Variants in NKX6-3 observed in about 807,000 individuals in gnomAD.
NKX6-3 encodes the protein NK6 homeobox 3, also known as homeobox protein Nkx-6.3.
In NKX6-3, 17 loss-of-function variants were observed where a neutral mutation model predicts 22.0. The observed-to-expected ratio is 0.77, with a 90% CI of 0.53 to 1.16. The LOEUF (loss-of-function observed/expected upper bound fraction) is 1.16. NKX6-3 is among the 50% of genes most tolerant of loss of function. The pLI, the probability that NKX6-3 is intolerant of heterozygous loss-of-function variation, is 0.00. For missense variants in NKX6-3, 363 were observed against 359.0 expected (o/e 1.01, Z -0.09); for synonymous variants, 177 against 167.2 (o/e 1.06, Z -0.45).
chr8:41,647,990 C>T, intron 2 of NKX6-3, 76 bp downstream of exon 2: 5 of 1,335,276 alleles, frequency 3.7e-6, no homozygotes, highest in Middle Eastern at 2.2e-4. Context: ...GTGTGGCCAC[C>T]TCTCTCCAAC....
Position 41,650,454 on chromosome 8 carries a change from G to A in NKX6-3, c.39C>T (p.Asn13=), listed in dbSNP as rs926469459. Residue 13 remains asparagine, a synonymous_variant, in exon 1 of 3, where the codon AAC becomes AAT. Coordinates refer to ENST00000518699, the MANE Select transcript of NKX6-3 (RefSeq NM_001364841.2). The part of the protein sequence containing the change: ...SNLQGTFLLN[N]TPLAQFPEMK... Reference sequence around the variant, plus strand: ...TCTCCGGAAACTGAGCCAGCGGCGTGTTGTTCAGCAGGAACGTCCCCTGCA... The same window carrying A: ...TCTCCGGAAACTGAGCCAGCGGCGTATTGTTCAGCAGGAACGTCCCCTGCA... 53 of 1,535,616 alleles carry A rather than the reference G, an allele frequency of 3.5e-5. No homozygotes were observed. Among genetic ancestry groups the A allele is most frequent in the Non-Finnish European group, 4.4e-5 (50 of 1,146,806 alleles).
Position 41,646,380 on chromosome 8 carries a change from A to G in NKX6-3, c.*69T>C. On this transcript the variant is annotated 3_prime_UTR_variant, in exon 3 of 3. Transcript: ENST00000518699. ...CGCCCCCAGGAGCGTGGGGAAGGGGAGGGGAAGGTAGGCTCCTCGGCGTCC... is the reference window on the plus strand; with the variant it reads ...CGCCCCCAGGAGCGTGGGGAAGGGGGGGGGAAGGTAGGCTCCTCGGCGTCC... 3 of 1,519,548 alleles carry G rather than the reference A, an allele frequency of 2.0e-6. No homozygotes were observed. Among genetic ancestry groups the G allele is most frequent in the Admixed American group, 2.1e-5 (1 of 48,426 alleles). 94.1% of individuals were successfully genotyped at this position (1,519,548 alleles called of 1,614,324 possible).
chr8:41,648,636 G>C (rs535885290), intron 1 of NKX6-3, among the ~76,000 whole-genome samples: 1 of 152,188 alleles, frequency 6.6e-6, no homozygotes, highest in Non-Finnish European at 1.5e-5. Context: ...CTCCACCCCC[G>C]GCTTCCGCCA....
intron 2 of NKX6-3, 129 bp from the exon 3 acceptor site, chr8:41,646,823 G>C: frequency 3.0e-6 from 4 of 1,323,990 alleles, no homozygotes; most frequent in Non-Finnish European, 4.1e-6. Context: ...GTTTCTGTTG[G>C]GGAAGGACAA....
Position 41,646,280 on chromosome 8 carries a change from G to T in NKX6-3, c.*169C>A, listed in dbSNP as rs2150518783. 47 of 751,632 alleles carry T rather than the reference G, an allele frequency of 6.3e-5. No individual in the cohort carries two copies. The highest frequency in any genetic ancestry group is 1.6e-4 in the East Asian group (5 of 31,378). 46.6% of individuals were successfully genotyped at this position (751,632 alleles called of 1,614,324 possible). On this transcript the variant is annotated 3_prime_UTR_variant, in exon 3 of 3. Coordinates refer to ENST00000518699, the MANE Select transcript of NKX6-3 (RefSeq NM_001364841.2). ...TCCCTCCTTTTCCTCCTCCTCCCCC[G>T]CCTCCCCTCCTCCTCCCCTGCACCT...
Position 41,646,337 on chromosome 8 carries a change from AG to A in NKX6-3, c.*111del, listed in dbSNP as rs2150518807. 3 of 245,598 alleles carry A rather than the reference AG, an allele frequency of 1.2e-5. No individual in the cohort carries two copies. The East Asian group carries it at 2.4e-4, about 20-fold the overall frequency. 15.2% of individuals were successfully genotyped at this position (245,598 alleles called of 1,614,324 possible). A position where few individuals can be genotyped will look rare whatever the true frequency, so the allele number is the denominator to read the frequency against. Reference sequence around the variant, plus strand: ...CCTCCTCCACGCGCCCCTCATCCAAAGAAAGACTCAGTCCCTGCGCCCCCAG... The same window carrying A: ...CCTCCTCCACGCGCCCCTCATCCAAAAAAGACTCAGTCCCTGCGCCCCCAG... On this transcript the variant is annotated 3_prime_UTR_variant, in exon 3 of 3. Coordinates refer to ENST00000518699, the MANE Select transcript of NKX6-3 (RefSeq NM_001364841.2).
At position 41,648,186 on chromosome 8, in the gene NKX6-3, G is replaced by A. The variant is rs1804250046; in HGVS notation, c.432C>T (p.Pro144=). ...CAAAGATCTGGTGCCCCGTGAAGGT[G>A]GGCCGGGTGTGCTTCTTCTTGTGTA... is the stretch of plus-strand genomic sequence containing the variant. ...DSIHKKKHTR[P]TFTGHQIFAL... The change falls in exon 2 of 3, where the codon CCC becomes CCT. Residue 144 remains proline (P), a synonymous_variant. Coordinates refer to ENST00000518699, the MANE Select transcript of NKX6-3 (RefSeq NM_001364841.2). 1.3e-6 allele frequency: 2 copies of A among 1,538,344 alleles called. No individual in the cohort carries two copies. Among genetic ancestry groups the A allele is most frequent in the East Asian group, 2.4e-5 (1 of 40,904 alleles).
intron 2 of NKX6-3, 33 bp from the exon 3 acceptor site, chr8:41,646,727 G>A (rs975381482): frequency 3.3e-6 from 5 of 1,523,354 alleles, no homozygotes; most frequent in South Asian, 1.2e-5. Context: ...GGGCACAGGG[G>A]CACAGCGCGC....
In NKX6-3 at chr8:41,650,598, C is replaced by T. The variant is rs1347837311; in HGVS notation, c.-106G>A. 21 of 1,187,368 alleles carry T rather than the reference C, an allele frequency of 1.8e-5. No homozygotes were observed. The highest frequency in any genetic ancestry group is 1.0e-4 in the East Asian group (4 of 38,828). 73.6% of individuals were successfully genotyped at this position (1,187,368 alleles called of 1,614,324 possible). A position where few individuals can be genotyped will look rare whatever the true frequency, so the allele number is the denominator to read the frequency against. Reference sequence around the variant, plus strand: ...AGGCCTGGAGGCTTAGGACCGTCTCCGAGCTCCTGACTGCCTCCCACCTAA... The same window carrying T: ...AGGCCTGGAGGCTTAGGACCGTCTCTGAGCTCCTGACTGCCTCCCACCTAA... On this transcript the variant is annotated 5_prime_UTR_variant, in exon 1 of 3. Transcript: ENST00000518699.
At chr8:41,648,940 C>T (rs570959130) in intron 1 of NKX6-3, among the ~76,000 whole-genome samples, 2 of 152,350 alleles carry the variant, frequency 1.3e-5, no homozygotes, top group Admixed American at 1.3e-4. Context: ...GAAGAGCCCT[C>T]CTGAGAGATC....
rs1329648909 is a variant in NKX6-3, at chr8:41,645,890, G to T, written c.*559C>A. On this transcript the variant is annotated 3_prime_UTR_variant, in exon 3 of 3. Coordinates refer to ENST00000518699, the MANE Select transcript of NKX6-3 (RefSeq NM_001364841.2). ...TGCTCAGCTCTGGCCCCTCCAGTGGGACCCTTCCTGTGCACAGGTCTGAGG... is the reference window on the plus strand; with the variant it reads ...TGCTCAGCTCTGGCCCCTCCAGTGGTACCCTTCCTGTGCACAGGTCTGAGG... 6.5e-6 allele frequency: 1 copy of T among 153,986 alleles called. No homozygotes were observed. Among genetic ancestry groups the T allele is most frequent in the Non-Finnish European group, 1.4e-5 (1 of 69,426 alleles). 9.5% of individuals were successfully genotyped at this position (153,986 alleles called of 1,614,324 possible).
intron 1 of NKX6-3, among the ~76,000 whole-genome samples, chr8:41,649,246 G>T (rs1038435398): frequency 6.6e-6 from 1 of 152,170 alleles, no homozygotes; most frequent in Admixed American, 6.5e-5. Context: ...GGGGGGACAG[G>T]TGTGCTTTTG....
At chr8:41,647,500 A>G (rs1804237211) in intron 2 of NKX6-3, 4 of 764,922 alleles carry the variant, frequency 5.2e-6, no homozygotes, top group Non-Finnish European at 8.1e-6. Context: ...GCCTGGGCTC[A>G]CCCTCCCTAG....
chr8:41,645,177 T>C lies in NKX6-3; in HGVS notation c.*1272A>G, dbSNP rs573114578. On this transcript the variant is annotated 3_prime_UTR_variant, in exon 3 of 3. Transcript: ENST00000518699. ...CCCTTTCACAGAAGCACAGGAGCCG[T>C]AAGGTTCATGGGACTTTTATTTTTA... is the stretch of plus-strand genomic sequence containing the variant. 1 of 152,358 alleles carries C rather than the reference T, an allele frequency of 6.6e-6. No individual in the cohort carries two copies. The highest frequency in any genetic ancestry group is 6.5e-5 in the Admixed American group (1 of 15,302). The allele number at this position is 152,358 out of a possible 1,614,324, so 9.4% of individuals were successfully genotyped here.
rs117268577 is a variant in NKX6-3, at chr8:41,648,033, G to A, written c.552+33C>T. 569 of 1,502,938 alleles carry A rather than the reference G, an allele frequency of 3.8e-4. 2 individuals are homozygous for A. In the East Asian group the frequency reaches 0.013, roughly 34 times the overall value. 93.1% of individuals were successfully genotyped at this position (1,502,938 alleles called of 1,614,324 possible). A position where few individuals can be genotyped will look rare whatever the true frequency, so the allele number is the denominator to read the frequency against. ...CCTCCTGTCCGGCAGGCTCCTCCCT[G>A]CAGGGCAGGTGCCATCTCCCGCACA... On this transcript the variant is annotated intron_variant, in intron 2 of 2. Transcript: ENST00000518699.
chr8:41,646,789 C>A, intron 2 of NKX6-3, 95 bp from the exon 3 acceptor site: 1 of 1,459,348 alleles, frequency 6.9e-7, no homozygotes, highest in African/African-American at 1.4e-5. Flanking sequence ...AATGGCTCAA[C>A]AACGGAGTGA....
At chr8:41,649,818 G>A (rs1484498315) in intron 1 of NKX6-3, among the ~76,000 whole-genome samples, 3 of 152,150 alleles carry the variant, frequency 2.0e-5, no homozygotes, top group African/African-American at 4.8e-5. Flanking sequence ...CAGGGCAGGC[G>A]TGGGCTGTGG....
Position 41,646,577 on chromosome 8 carries a change from AG to A in NKX6-3, c.669del (p.Ser224ArgfsTer115). 1.9e-6 allele frequency: 3 copies of A among 1,592,628 alleles called. No individual in the cohort carries two copies. Among genetic ancestry groups the A allele is most frequent in the Non-Finnish European group, 2.6e-6 (3 of 1,170,322 alleles). ...TTGTACTCGTCGTCCTCGTTCTCCG[AG>A]GGTGCGCGGTCCCCGCCTGCGCCTG... The part of the protein sequence containing the change: ...AGAGAGGDRA[P>X]SENEDDEYNK... On this transcript the variant is annotated frameshift_variant, in exon 3 of 3. Transcript: ENST00000518699. LOFTEE classifies it high-confidence loss of function.
At chr8:41,647,769 C>G (rs1804242489) in intron 2 of NKX6-3, among the ~76,000 whole-genome samples, 1 of 152,018 alleles carries the variant, frequency 6.6e-6, no homozygotes. Context: ...TCTCCCAGCT[C>G]TCCCAGCCGG....
Sources: gnomAD v4.1 joint callset for allele counts (sites outside exome capture counted in the v4.1 genomes callset) on GRCh38, gnomAD v4.1.1 for gene constraint, MANE v1.5 for transcripts, NCBI Gene and HGNC (gene_info 2026-07-23, HGNC 2026-07-21) for gene names.